NUP210L: variants seen among roughly 807,000 people sequenced by gnomAD.
NUP210L encodes the protein nuclear pore membrane glycoprotein 210-like.
In NUP210L, 74 loss-of-function variants were observed where a neutral mutation model predicts 208.5. That is an observed-to-expected ratio of 0.35 (90% CI 0.29 to 0.43). The LOEUF (loss-of-function observed/expected upper bound fraction) is 0.43, where lower values mean the gene tolerates loss of function less well. Among genes scored for constraint, NUP210L ranks in the 20% least tolerant of loss-of-function variants. NUP210L has a pLI of 1.00. For missense variants in NUP210L, 1,843 were observed against 2,289.4 expected, an observed-to-expected ratio of 0.81 and a Z score of 3.98; for synonymous variants, 780 against 816.9, an observed-to-expected ratio of 0.95 and a Z score of 0.77.
intron 2 of NUP210L, among the ~76,000 whole-genome samples, chr1:154,152,120 G>GAAAA: frequency 6.8e-6 from 1 of 147,304 alleles, no homozygotes; most frequent in Non-Finnish European, 1.5e-5. Flanking sequence ...AAGAAAGAAA[G>GAAAA]AAAAAATGAA....
chr1:154,041,177 C>A (rs1353496241), intron 27 of NUP210L, among the ~76,000 whole-genome samples: 1 of 151,408 alleles, frequency 6.6e-6, no homozygotes, highest in Non-Finnish European at 1.5e-5. Context: ...GTTATCCAGG[C>A]TGGTCTCAAA....
intron 16 of NUP210L, among the ~76,000 whole-genome samples, chr1:154,074,511 C>T (rs866428617): frequency 5.6e-4 from 76 of 135,614 alleles, no homozygotes; most frequent in African/African-American, 1.9e-3. Flanking sequence ...TTTTTTGAGA[C>T]GGAGTCTCAC....
At chr1:154,021,921 GA>G (rs1174840907) in intron 32 of NUP210L, among the ~76,000 whole-genome samples, 9 of 152,024 alleles carry the variant, frequency 5.9e-5, no homozygotes, top group African/African-American at 1.9e-4. Flanking sequence ...AGATAATTTG[GA>G]AAAAAATATT....
intron 16 of NUP210L, among the ~76,000 whole-genome samples, chr1:154,087,670 A>T (rs1423848906): frequency 6.6e-6 from 1 of 152,230 alleles, no homozygotes; most frequent in Non-Finnish European, 1.5e-5. Context: ...CATAATAGCC[A>T]AAGGTGGAAA....
chr1:154,055,141 T>TTC (rs1553228905), intron 23 of NUP210L, among the ~76,000 whole-genome samples: 1 of 102,600 alleles, frequency 9.7e-6, no homozygotes, highest in Admixed American at 1.1e-4. Context: ...CTTTCTTTCT[T>TTC]TCTTTCTTTC....
At chr1:153,998,708 C>CT (rs34457474) in intron 37 of NUP210L, among the ~76,000 whole-genome samples, 11,423 of 109,794 alleles carry the variant, frequency 0.1, 1,200 homozygotes, top group African/African-American at 0.23. Context: ...TCTAGAGATC[C>CT]TTTTTTTTTT....
intron 3 of NUP210L, among the ~76,000 whole-genome samples, chr1:154,142,295 A>G (rs760152638): frequency 2.0e-5 from 3 of 152,052 alleles, no homozygotes; most frequent in Admixed American, 6.6e-5. Context: ...CTCACAGGAT[A>G]CTTCAACCTC....
intron 7 of NUP210L, 76 bp downstream of exon 7, chr1:154,135,738 A>G: frequency 7.3e-7 from 1 of 1,361,504 alleles, no homozygotes; most frequent in Non-Finnish European, 1.0e-6. Flanking sequence ...TTCTTAATAA[A>G]TTATTTTACC....
At chr1:154,118,874 A>G (rs1233791074) in intron 10 of NUP210L, 66 bp from the exon 11 acceptor site, 1 of 938,902 alleles carries the variant, frequency 1.1e-6, no homozygotes. Context: ...ACACATTCAT[A>G]TACTCAAAAC....
At chr1:154,006,966 A>ATATAT (rs1211789619) in intron 35 of NUP210L, among the ~76,000 whole-genome samples, 20 of 115,810 alleles carry the variant, frequency 1.7e-4, no homozygotes, top group Admixed American at 1.1e-3. Flanking sequence ...ATATATATAT[A>ATATAT]TTTTTTTTTT....
intron 2 of NUP210L, among the ~76,000 whole-genome samples, chr1:154,146,969 G>A (rs762684520): frequency 3.3e-5 from 5 of 151,362 alleles, no homozygotes; most frequent in African/African-American, 4.9e-5. Context: ...GATTATAGGC[G>A]CATGCCACCG....
intron 16 of NUP210L, among the ~76,000 whole-genome samples, chr1:154,080,918 G>A (rs1423623445): frequency 3.4e-5 from 5 of 149,108 alleles, no homozygotes; most frequent in South Asian, 2.1e-4. Context: ...AAGTTGCAGT[G>A]AGTCGAGATA....
At chr1:154,001,761 C>T (rs575540896) in exon 36 of NUP210L, 32 of 1,614,130 alleles carry the variant, frequency 2.0e-5, no homozygotes, top group Non-Finnish European at 2.7e-5. Flanking sequence ...ACTCTGTCCA[C>T]TCCCAGTACT....
At chr1:154,046,603 C>G (rs758580582) in intron 25 of NUP210L, among the ~76,000 whole-genome samples, 1 of 152,136 alleles carries the variant, frequency 6.6e-6, no homozygotes, top group Non-Finnish European at 1.5e-5. Flanking sequence ...ACTATTCAGC[C>G]ATAAAAAGAA....
intron 10 of NUP210L, among the ~76,000 whole-genome samples, chr1:154,124,656 A>T (rs534509886): frequency 6.6e-6 from 1 of 152,328 alleles, no homozygotes; most frequent in South Asian, 2.1e-4. Flanking sequence ...TTTAGAATTA[A>T]TAGTACTCTA....
intron 10 of NUP210L, among the ~76,000 whole-genome samples, chr1:154,122,319 C>T (rs367636106): frequency 3.9e-5 from 6 of 152,058 alleles, no homozygotes; most frequent in African/African-American, 1.4e-4. Context: ...AAATGAAAAC[C>T]ATAGTTAGAT....
At chr1:154,080,996 A>G (rs539766976) in intron 16 of NUP210L, among the ~76,000 whole-genome samples, 57 of 151,702 alleles carry the variant, frequency 3.8e-4, no homozygotes, top group African/African-American at 1.3e-3. Context: ...AAAGAAAAGA[A>G]AAAAAAAGAA....
intron 33 of NUP210L, among the ~76,000 whole-genome samples, chr1:154,015,485 C>T (rs897661532): frequency 6.6e-6 from 1 of 151,950 alleles, no homozygotes; most frequent in African/African-American, 2.4e-5. Flanking sequence ...CTTTGGGAGG[C>T]TGAGGTGGGC....
chr1:154,153,173 G>T (rs1659488055), intron 1 of NUP210L, among the ~76,000 whole-genome samples: 1 of 151,624 alleles, frequency 6.6e-6, no homozygotes, highest in Admixed American at 6.6e-5. Flanking sequence ...AATGAGAGGG[G>T]ACTTTCTCAT....
Sources: gnomAD v4.1 joint callset for allele counts (sites outside exome capture counted in the v4.1 genomes callset) on GRCh38, gnomAD v4.1.1 for gene constraint, MANE v1.5 for transcripts, NCBI Gene and HGNC (gene_info 2026-07-23, HGNC 2026-07-21) for gene names.